The following NTN4 variants were observed in gnomAD, a reference collection of about 807,000 sequenced individuals.
NTN4 encodes the protein netrin 4.
NTN4 carries 32 observed loss-of-function variants against 73.6 expected under a neutral mutation model. That is an observed-to-expected ratio of 0.44 (90% CI 0.33 to 0.58). The LOEUF is 0.58. Among genes scored for constraint, NTN4 ranks in the 20% least tolerant of loss-of-function variants. The probability of loss-of-function intolerance (pLI) is 0.04; values close to 1 mark genes in which losing one functional copy is unlikely to be tolerated. For synonymous variants in NTN4, 258 were observed against 287.5 expected (o/e 0.90, Z 1.04); for missense variants, 654 against 798.3 (o/e 0.82, Z 2.18).
At chr12:95,729,632 A>AGAGTGTGTGTGTGT (rs1555218229) in intron 3 of NTN4, among the ~76,000 whole-genome samples, 10 of 124,088 alleles carry the variant, frequency 8.1e-5, no homozygotes, top group African/African-American at 2.6e-4. Context: ...AGAGAGAGAG[A>AGAGTGTGTGTGTGT]GTGTGTGTGT....
At chr12:95,691,902 TC>T (rs1334000965) in intron 5 of NTN4, among the ~76,000 whole-genome samples, 2 of 152,012 alleles carry the variant, frequency 1.3e-5, no homozygotes, top group Admixed American at 6.6e-5. Context: ...GTCATCATTT[TC>T]CCCCCAAAAC....
intron 5 of NTN4, among the ~76,000 whole-genome samples, chr12:95,706,130 T>A (rs1342840479): frequency 6.6e-6 from 1 of 152,200 alleles, no homozygotes; most frequent in African/African-American, 2.4e-5. Flanking sequence ...TAAGTAACAG[T>A]AACTACTAAC....
At chr12:95,731,386 G>A (rs796458063) in intron 3 of NTN4, among the ~76,000 whole-genome samples, 13 of 152,222 alleles carry the variant, frequency 8.5e-5, no homozygotes, top group African/African-American at 3.1e-4. Flanking sequence ...TGGCCAACAT[G>A]GTGAAACCCC....
At chr12:95,734,975 G>T (rs2078764466) in intron 3 of NTN4, among the ~76,000 whole-genome samples, 2 of 152,208 alleles carry the variant, frequency 1.3e-5, no homozygotes, top group Admixed American at 1.3e-4. Flanking sequence ...GGAGGCAGAG[G>T]TTATGGTGAG....
chr12:95,712,116 AG>A (rs1565892839), intron 4 of NTN4, among the ~76,000 whole-genome samples: 1 of 152,242 alleles, frequency 6.6e-6, no homozygotes, highest in Non-Finnish European at 1.5e-5. Context: ...TTCTTGTAAA[AG>A]AGAGGTTCGT....
At chr12:95,718,292 G>A (rs773913273) in intron 3 of NTN4, among the ~76,000 whole-genome samples, 6 of 152,080 alleles carry the variant, frequency 3.9e-5, no homozygotes, top group Non-Finnish European at 8.8e-5. Context: ...CTTTTTCATT[G>A]TCCTTCCTTT....
intron 4 of NTN4, among the ~76,000 whole-genome samples, chr12:95,712,787 CTTTTTTT>C (rs35614636): frequency 1.1e-4 from 12 of 105,736 alleles, no homozygotes; most frequent in South Asian, 3.2e-4. Context: ...TTCTTTCTTT[CTTTTTTT>C]TTTTTTTTTT....
Position 95,670,120 on chromosome 12 carries a change from A to G in NTN4, c.1537T>C (p.Leu513=). ...SGKCECKEQT[L]GNAKAFCGMK... The stretch of plus-strand genomic sequence containing the variant: ...CCACAGAATGCCTTGGCATTTCCTA[A>G]TGTCTGTTCCTTACATTCGCATTTA... The change falls in exon 8 of 10, where the codon TTA becomes CTA. Residue 513 remains leucine, a synonymous_variant. Coordinates refer to ENST00000343702, the MANE Select transcript of NTN4 (RefSeq NM_021229.4). The G allele has an allele frequency of 5.0e-6, 8 of 1,598,680 alleles. No homozygotes were observed. The highest frequency in any genetic ancestry group is 6.8e-6 in the Non-Finnish European group (8 of 1,170,904).
chr12:95,713,076 T>C, intron 4 of NTN4, 136 bp downstream of exon 4: 1 of 968,306 alleles, frequency 1.0e-6, no homozygotes, highest in Non-Finnish European at 1.5e-6. Context: ...CAGTGGGCAG[T>C]GATATGGCTA....
At chr12:95,680,031 G>A (rs1453777683) in intron 7 of NTN4, among the ~76,000 whole-genome samples, 1 of 152,022 alleles carries the variant, frequency 6.6e-6, no homozygotes, top group Non-Finnish European at 1.5e-5. Flanking sequence ...ACCTTTCAAA[G>A]GGCTTACCCT....
chr12:95,775,138 T>C (rs550607354), intron 2 of NTN4, among the ~76,000 whole-genome samples: 26 of 152,380 alleles, frequency 1.7e-4, no homozygotes, highest in African/African-American at 5.8e-4. Flanking sequence ...TATCAATGAA[T>C]GTTGGTTTAA....
chr12:95,700,770 TCTTTCTTTTTCTTTTCTTCC>T (rs1412032074), intron 5 of NTN4, among the ~76,000 whole-genome samples: 1 of 151,828 alleles, frequency 6.6e-6, no homozygotes, highest in East Asian at 1.9e-4. Context: ...CTTTTTTCTT[TCTTTCTTTTTCTTTTCTTCC>T]CTTTCTTTTT....
intron 2 of NTN4, among the ~76,000 whole-genome samples, chr12:95,748,187 T>C (rs1362203821): frequency 7.4e-6 from 1 of 134,606 alleles, no homozygotes; most frequent in Non-Finnish European, 1.5e-5. Context: ...GCCGAGATCA[T>C]GCCACTGCAA....
At chr12:95,687,386 T>TA (rs2078369384) in intron 5 of NTN4, among the ~76,000 whole-genome samples, 1 of 149,078 alleles carries the variant, frequency 6.7e-6, no homozygotes, top group African/African-American at 2.4e-5. Context: ...GAAAAAAAAT[T>TA]TTTTTTTTTG....
At chr12:95,708,252 G>GTTATT (rs1462340167) in intron 5 of NTN4, among the ~76,000 whole-genome samples, 20 of 145,200 alleles carry the variant, frequency 1.4e-4, no homozygotes, top group Non-Finnish European at 2.4e-4. Context: ...TTTCTTTATT[G>GTTATT]TTATTTTATT....
At chr12:95,666,006 T>C (rs779528672) in intron 8 of NTN4, 26 bp from the exon 9 acceptor site, 34 of 1,502,540 alleles carry the variant, frequency 2.3e-5, no homozygotes, top group Middle Eastern at 2.1e-4. Context: ...TCAAAATGCA[T>C]AGAATTTCAT....
chr12:95,721,827 T>C (rs2078650098), intron 3 of NTN4, among the ~76,000 whole-genome samples: 1 of 152,230 alleles, frequency 6.6e-6, no homozygotes, highest in Admixed American at 6.5e-5. Flanking sequence ...ATTATTTATC[T>C]AAGTCCAAGT....
intron 3 of NTN4, among the ~76,000 whole-genome samples, chr12:95,716,051 A>T (rs2078602811): frequency 6.7e-6 from 1 of 150,192 alleles, no homozygotes. Context: ...TAGGAAAAAC[A>T]GTTTTGTAAT....
chr12:95,660,330 T>C (rs2078127421), intron 9 of NTN4, among the ~76,000 whole-genome samples: 2 of 152,104 alleles, frequency 1.3e-5, no homozygotes, highest in South Asian at 4.1e-4. Flanking sequence ...AGGATTTTTA[T>C]AAAAGTGAAA....
Sources: allele counts gnomAD v4.1 joint callset (sites outside exome capture counted in the v4.1 genomes callset), GRCh38; gene constraint gnomAD v4.1.1; transcripts MANE v1.5; gene names NCBI Gene and HGNC (gene_info 2026-07-23, HGNC 2026-07-21).